Variants in HEPH observed in about 807,000 individuals in gnomAD.
HEPH encodes the protein hephaestin.
In HEPH, 69 loss-of-function variants were observed where a neutral mutation model predicts 80.8. The ratio of observed to expected loss-of-function variants is 0.85; its 90% CI spans 0.70 to 1.04. HEPH has a LOEUF of 1.04. Among genes scored for constraint, HEPH ranks in the 50% least tolerant of loss-of-function variants. The pLI, the probability that HEPH is intolerant of heterozygous loss-of-function variation, is 0.00. For missense variants in HEPH, 1,115 were observed against 891.3 expected (o/e 1.25, Z -3.20); for synonymous variants, 431 against 322.8 (o/e 1.34, Z -3.60).
intron 9 of HEPH, among the ~76,000 whole-genome samples, chrX:66,196,219 TC>T (rs2088083828): frequency 9.0e-6 from 1 of 111,341 alleles, no homozygotes; most frequent in African/African-American, 3.3e-5. Flanking sequence ...CGTGCTAATA[TC>T]ATGATGTTTG....
chrX:66,267,791 A>G (rs185779014), downstream of HEPH: 21 of 110,926 alleles, frequency 1.9e-4, no homozygotes, highest in Admixed American at 1.8e-3. Context: ...CTGGTATTTT[A>G]CAGCAATATT....
At chrX:66,178,951 T>C (rs1422070460) in intron 4 of HEPH, among the ~76,000 whole-genome samples, 1 of 111,975 alleles carries the variant, frequency 8.9e-6, no homozygotes, top group Non-Finnish European at 1.9e-5. Context: ...TTAGTTTAGT[T>C]ACATCCCATT....
chrX:66,173,031 A>C (rs1413182953), intron 3 of HEPH, among the ~76,000 whole-genome samples: 1 of 112,443 alleles, frequency 8.9e-6, no homozygotes, highest in African/African-American at 3.2e-5. Context: ...TATCTCCCTT[A>C]TTCCTGGCCC....
intron 15 of HEPH, among the ~76,000 whole-genome samples, chrX:66,221,692 A>C (rs1356236402): frequency 3.5e-5 from 4 of 112,905 alleles, no homozygotes; most frequent in African/African-American, 9.7e-5. Flanking sequence ...TGTCGGGTCA[A>C]ATAGCCCCAG....
chrX:66,200,622 G>T lies in HEPH; in HGVS notation c.1947G>T (p.Leu649=). The T allele has an allele frequency of 8.3e-7, 1 of 1,210,579 alleles. No homozygotes were observed. Among genetic ancestry groups the T allele is most frequent in the Non-Finnish European group, 1.1e-6 (1 of 894,656 alleles). Residue 649 remains leucine, a synonymous_variant, in exon 12 of 21, where the codon CTG becomes CTT. Transcript: ENST00000343002. The part of the protein sequence containing the change: ...GDTVAWHLLG[L]GTETDVHGVM... ...CAGTGGCCTGGCACCTGCTCGGCCT[G>T]GGCACAGAGACTGATGTGCATGGAG... is the stretch of plus-strand genomic sequence containing the variant.
At chrX:66,250,039 G>T (rs2090949915) in intron 15 of HEPH, among the ~76,000 whole-genome samples, 1 of 111,226 alleles carries the variant, frequency 9.0e-6, no homozygotes, top group South Asian at 3.8e-4. Flanking sequence ...AATGGAGTCA[G>T]GAGGAACCTG....
chrX:66,201,427 C>T (rs1010211045), intron 12 of HEPH, among the ~76,000 whole-genome samples: 22 of 111,226 alleles, frequency 2.0e-4, no homozygotes, highest in African/African-American at 7.2e-4. Context: ...TTTGTCCTCC[C>T]TCCATCTCTC....
chrX:66,262,189 G>C (rs954498587), intron 19 of HEPH, among the ~76,000 whole-genome samples: 2 of 112,203 alleles, frequency 1.8e-5, no homozygotes, highest in Non-Finnish European at 3.8e-5. Context: ...GAGTTGAAAA[G>C]ACAGAGGGAA....
intron 15 of HEPH, among the ~76,000 whole-genome samples, chrX:66,224,086 C>CT (rs528968841): frequency 3.6e-3 from 349 of 97,013 alleles, no homozygotes; most frequent in East Asian, 0.012. Flanking sequence ...CTTTCCCCCG[C>CT]TTTTTTTTTT....
chrX:66,235,259 G>T (rs999148125), intron 15 of HEPH, among the ~76,000 whole-genome samples: 1 of 111,761 alleles, frequency 8.9e-6, no homozygotes, highest in African/African-American at 3.3e-5. Context: ...TCTTCGTCAT[G>T]AAATCATTGC....
At chrX:66,189,464 G>A (rs1021207749) in intron 5 of HEPH, among the ~76,000 whole-genome samples, 2 of 111,996 alleles carry the variant, frequency 1.8e-5, no homozygotes, top group African/African-American at 6.5e-5. Context: ...ACCTCTCTGA[G>A]TCTTGGTTTT....
intron 15 of HEPH, among the ~76,000 whole-genome samples, chrX:66,216,110 G>A (rs1379669399): frequency 9.0e-6 from 1 of 111,285 alleles, no homozygotes; most frequent in Non-Finnish European, 1.9e-5. Flanking sequence ...TGCACTCCTG[G>A]TAGCCAAAGA....
Position 66,218,535 on chromosome X carries a change from A to G in HEPH, c.2563+10289A>G, listed in dbSNP as rs950313442. ...CACAACCTATCGAAACCTCTGGGAT[A>G]CAATAGTGGTGCAAATGTAGCAGGA... On this transcript the variant is annotated intron_variant, in intron 15 of 20. Coordinates refer to ENST00000343002, the MANE Select transcript of HEPH (RefSeq NM_001367233.3). Among the ~76,000 whole-genome samples, 5 of 112,131 alleles carry G rather than the reference A, an allele frequency of 4.5e-5. 1 individual carries two copies. The highest frequency in any genetic ancestry group is 1.6e-4 in the African/African-American group (5 of 30,847).
chrX:66,255,065 C>T lies in HEPH; in HGVS notation c.2594C>T (p.Pro865Leu). ...GEVVTYQWNIPERSGPGPNDS... is the reference protein window; with the variant it reads ...GEVVTYQWNILERSGPGPNDS... Reference sequence around the variant, plus strand: ...GTGGTCACTTATCAGTGGAACATCCCAGAGAGGTCTGGCCCTGGGCCCAAT... The same window carrying T: ...GTGGTCACTTATCAGTGGAACATCCTAGAGAGGTCTGGCCCTGGGCCCAAT... Residue 865 changes from proline (P) to leucine (L), a missense_variant, in exon 16 of 21, where the codon CCA becomes CTA. Physicochemically the swap from Pro to Leu is moderately conservative, Grantham distance 98 (BLOSUM62 -3). This residue lies in a region of HEPH where 716 missense variants were observed against 523.5 expected (regional missense o/e 1.37). Coordinates refer to ENST00000343002, the MANE Select transcript of HEPH (RefSeq NM_001367233.3). 2 of 1,206,816 alleles carry T rather than the reference C, an allele frequency of 1.7e-6. No homozygotes were observed. The highest frequency in any genetic ancestry group is 1.1e-6 in the Non-Finnish European group (1 of 892,330).
intron 8 of HEPH, among the ~76,000 whole-genome samples, chrX:66,194,266 C>A (rs1434774579): frequency 9.0e-6 from 1 of 111,496 alleles, no homozygotes; most frequent in East Asian, 2.8e-4. Context: ...TGATAATGGA[C>A]AATAGATCTT....
intron 7 of HEPH, 148 bp downstream of exon 7, chrX:66,192,446 C>A (rs758201387): frequency 4.9e-6 from 3 of 607,657 alleles, no homozygotes; most frequent in Non-Finnish European, 7.5e-6. Flanking sequence ...TAGCCAAGTT[C>A]TTGTGTCCCC....
chrX:66,211,481 C>T (rs999671193), intron 15 of HEPH, among the ~76,000 whole-genome samples: 5 of 111,056 alleles, frequency 4.5e-5, no homozygotes, highest in Non-Finnish European at 9.5e-5. Context: ...TTCATCTTTC[C>T]CTTTCTTTCA....
chrX:66,238,990 T>G (rs2090466003), intron 15 of HEPH, among the ~76,000 whole-genome samples: 1 of 112,708 alleles, frequency 8.9e-6, no homozygotes, highest in Admixed American at 9.3e-5. Flanking sequence ...TGCCTTTAAG[T>G]GGTTTTCTGC....
At chrX:66,263,595 G>T (rs1385554941) in intron 19 of HEPH, 49 bp from the exon 20 acceptor site, 1 of 1,188,374 alleles carries the variant, frequency 8.4e-7, no homozygotes, top group African/African-American at 1.7e-5. Context: ...CTATGGATTG[G>T]TAGGAAGAAC....
Sources: gnomAD v4.1 joint callset for allele counts (sites outside exome capture counted in the v4.1 genomes callset) on GRCh38, gnomAD v4.1.1 for gene constraint, gnomAD v4.1.1 regional missense constraint, MANE v1.5 for transcripts, NCBI Gene and HGNC (gene_info 2026-07-23, HGNC 2026-07-21) for gene names.